SAXO1: variants seen among roughly 807,000 people sequenced by gnomAD.
SAXO1 encodes stabilizer of axonemal microtubules 1.
A neutral mutation model predicts 17.5 loss-of-function variants in SAXO1; 21 were observed. That is an observed-to-expected ratio of 1.20 (90% CI 0.85 to 1.72). The LOEUF is 1.72. Ranked by LOEUF, SAXO1 falls within the 40% of genes most tolerant of loss-of-function variation. The pLI, the probability that SAXO1 is intolerant of heterozygous loss-of-function variation, is 0.00. For synonymous variants in SAXO1, 274 were observed against 216.5 expected (o/e 1.27, Z -2.33); for missense variants, 843 against 596.0 (o/e 1.41, Z -4.32).
rs532650133 is a variant in SAXO1, at chr9:19,009,783, A to C, written c.38+23088T>G. 2.0e-5 allele frequency among the ~76,000 whole-genome samples: 3 copies of C among 152,074 alleles called. No individual in the cohort carries two copies. The South Asian group carries it at 6.2e-4, about 32-fold the overall frequency. On this transcript the variant is annotated intron_variant, in intron 1 of 3. Coordinates refer to ENST00000380534, the MANE Select transcript of SAXO1 (RefSeq NM_153707.4). ...ATGCAATTTCCATCACCTCAAAAAGAATATTCACCGTCTAAAGAGGTGAAG... is the reference window on the plus strand; with the variant it reads ...ATGCAATTTCCATCACCTCAAAAAGCATATTCACCGTCTAAAGAGGTGAAG...
intron 1 of SAXO1, among the ~76,000 whole-genome samples, chr9:18,958,316 C>G (rs946188916): frequency 6.6e-6 from 1 of 151,882 alleles, no homozygotes; most frequent in Non-Finnish European, 1.5e-5. Context: ...TCCAGCTACT[C>G]GGGAGGCTGA....
intron 1 of SAXO1, among the ~76,000 whole-genome samples, chr9:19,019,933 C>T (rs1169994472): frequency 2.0e-5 from 3 of 151,828 alleles, no homozygotes; most frequent in African/African-American, 7.3e-5. Context: ...TATTATCCAT[C>T]TATCTCCTGC....
intron 1 of SAXO1, among the ~76,000 whole-genome samples, chr9:19,024,977 C>T (rs2131030753): frequency 6.6e-6 from 1 of 152,274 alleles, no homozygotes; most frequent in East Asian, 1.9e-4. Context: ...ATCATGTTTA[C>T]TGCTGTAATT....
intron 1 of SAXO1, among the ~76,000 whole-genome samples, chr9:19,020,494 G>A (rs1835177176): frequency 6.6e-6 from 1 of 152,046 alleles, no homozygotes; most frequent in African/African-American, 2.4e-5. Context: ...TGGGACTACA[G>A]GCACGCACCA....
At chr9:19,018,646 C>T (rs1033911291) in intron 1 of SAXO1, among the ~76,000 whole-genome samples, 13 of 152,206 alleles carry the variant, frequency 8.5e-5, no homozygotes, top group Admixed American at 1.3e-4. Flanking sequence ...AATCAGGGGA[C>T]GTTGTGGAAA....
intron 1 of SAXO1, among the ~76,000 whole-genome samples, chr9:19,026,482 G>A (rs533901356): frequency 1.8e-4 from 28 of 152,066 alleles, no homozygotes; most frequent in African/African-American, 6.5e-4. Flanking sequence ...TCTGATTAAC[G>A]TTTTACTTTA....
At position 18,929,016 on chromosome 9, in the gene SAXO1, A is replaced by G. The variant is rs781671784; in HGVS notation, c.461T>C (p.Leu154Pro). 6.2e-7 allele frequency: 1 copy of G among 1,614,216 alleles called. No individual in the cohort carries two copies. Among genetic ancestry groups the G allele is most frequent in the Non-Finnish European group, 8.5e-7 (1 of 1,180,036 alleles). Residue 154 changes from leucine to proline, a missense_variant, in exon 4 of 4, where the codon CTT (leucine) becomes CCT (proline). Transcript: ENST00000380534. ...CGGCTGGTATTTGTGTTCCAGACGAAGTGGCTCTCGCCTTGGTTGGTTCCA... is the reference window on the plus strand; with the variant it reads ...CGGCTGGTATTTGTGTTCCAGACGAGGTGGCTCTCGCCTTGGTTGGTTCCA... ...LPWNQPRREPLRLEHKYQPAS... is the reference protein window; with the variant it reads ...LPWNQPRREPPRLEHKYQPAS...
intron 3 of SAXO1, 122 bp from the exon 4 acceptor site, chr9:18,929,177 A>G: frequency 9.2e-7 from 1 of 1,092,670 alleles, no homozygotes; most frequent in Non-Finnish European, 1.3e-6. Flanking sequence ...CAAAGAAAGA[A>G]CAGAGCACAT....
Position 18,928,833 on chromosome 9 carries a change from G to A in SAXO1, c.644C>T (p.Pro215Leu). ...TTCATGCACAAAGCGCTTCTCCACG[G>A]GGTGGGCCACATAGCTCATCTTGTA... Reference protein sequence around the residue: ...TNYKMSYVAHPVEKRFVHEAE... With the variant: ...TNYKMSYVAHLVEKRFVHEAE... Residue 215 changes from proline (P) to leucine (L), a missense_variant, in exon 4 of 4, where the codon CCC becomes CTC. Coordinates refer to ENST00000380534, the MANE Select transcript of SAXO1 (RefSeq NM_153707.4). 6.2e-7 allele frequency: 1 copy of A among 1,614,114 alleles called. No individual in the cohort carries two copies. Among genetic ancestry groups the A allele is most frequent in the Non-Finnish European group, 8.5e-7 (1 of 1,180,030 alleles).
chr9:19,036,220 G>A (rs1456347676), upstream of SAXO1, among the ~76,000 whole-genome samples: 6 of 147,542 alleles, frequency 4.1e-5, no homozygotes, highest in South Asian at 2.1e-4. Flanking sequence ...AAACCTGCAC[G>A]TTCTGCACAT....
At chr9:18,938,515 T>C (rs1171283484) in intron 3 of SAXO1, among the ~76,000 whole-genome samples, 2 of 151,994 alleles carry the variant, frequency 1.3e-5, no homozygotes, top group Admixed American at 1.3e-4. Context: ...CTCACTCATT[T>C]TACAGTACTA....
In SAXO1 at chr9:18,996,088, AAAAAG is replaced by A. The variant is rs558776755; in HGVS notation, c.38+36778_38+36782del. ...GAGTGAAACTACATCTCAAAAAAAA[AAAAAG>A]AAAAGAAAGTTTTATTATATAAATG... On this transcript the variant is annotated intron_variant, in intron 1 of 3. Coordinates refer to ENST00000380534, the MANE Select transcript of SAXO1 (RefSeq NM_153707.4). Among the ~76,000 whole-genome samples, 450 of 151,960 alleles carry A rather than the reference AAAAAG, an allele frequency of 3.0e-3. 8 individuals carry two copies. The South Asian group carries it at 0.044, about 15-fold the overall frequency.
intron 1 of SAXO1, among the ~76,000 whole-genome samples, chr9:18,964,604 T>C (rs1832639417): frequency 6.6e-6 from 1 of 152,234 alleles, no homozygotes; most frequent in Non-Finnish European, 1.5e-5. Flanking sequence ...TCAGTGGTGA[T>C]ATTCCCTTTA....
At chr9:18,988,382 G>T (rs1833676620) in intron 1 of SAXO1, among the ~76,000 whole-genome samples, 1 of 152,066 alleles carries the variant, frequency 6.6e-6, no homozygotes, top group Non-Finnish European at 1.5e-5. Flanking sequence ...AGGTATCCAG[G>T]GCTATGAGTC....
At chr9:19,020,474 C>T (rs1212029658) in intron 1 of SAXO1, among the ~76,000 whole-genome samples, 1 of 152,104 alleles carries the variant, frequency 6.6e-6, no homozygotes, top group Admixed American at 6.5e-5. Flanking sequence ...ACCTCAGCAT[C>T]CCCAGCACCT....
Position 18,968,713 on chromosome 9 carries a change from C to A in SAXO1, c.39-17776G>T, listed in dbSNP as rs532587853. 3.3e-5 allele frequency among the ~76,000 whole-genome samples: 5 copies of A among 152,106 alleles called. No homozygotes were observed. In the East Asian group the frequency reaches 9.7e-4, roughly 29 times the overall value. ...GGTTCAAGTGATTCTCCTGCCTCAGCCTCTGGAGTAGCTGGGATTACAGGC... is the reference window on the plus strand; with the variant it reads ...GGTTCAAGTGATTCTCCTGCCTCAGACTCTGGAGTAGCTGGGATTACAGGC... On this transcript the variant is annotated intron_variant, in intron 1 of 3. Transcript: ENST00000380534.
chr9:18,954,377 T>C (rs1306216249), intron 1 of SAXO1, among the ~76,000 whole-genome samples: 1 of 151,910 alleles, frequency 6.6e-6, no homozygotes, highest in Non-Finnish European at 1.5e-5. Context: ...CACTCTGTCA[T>C]CCAGGCTGGA....
intron 1 of SAXO1, among the ~76,000 whole-genome samples, chr9:19,010,001 G>C (rs1281750115): frequency 6.6e-6 from 1 of 151,824 alleles, no homozygotes; most frequent in Non-Finnish European, 1.5e-5. Flanking sequence ...TAATTTTTTT[G>C]TATTTTTTGT....
intron 1 of SAXO1, among the ~76,000 whole-genome samples, chr9:19,022,570 A>T (rs1835292992): frequency 6.6e-6 from 1 of 152,108 alleles, no homozygotes; most frequent in Non-Finnish European, 1.5e-5. Context: ...CTTGAAAGAG[A>T]AATTGGACCA....
Sources: gnomAD v4.1 joint callset for allele counts (sites outside exome capture counted in the v4.1 genomes callset) on GRCh38, gnomAD v4.1.1 for gene constraint, MANE v1.5 for transcripts, NCBI Gene and HGNC (gene_info 2026-07-23, HGNC 2026-07-21) for gene names.